Variants in NAALADL2 observed in about 807,000 individuals in gnomAD.
NAALADL2 encodes the protein N-acetylated alpha-linked acidic dipeptidase like 2, also known as inactive N-acetylated-alpha-linked acidic dipeptidase-like protein 2.
Under a neutral mutation model 87.2 loss-of-function variants are expected in NAALADL2, and 76 were observed. The observed-to-expected ratio is 0.87, with a 90% CI of 0.72 to 1.05. The LOEUF (loss-of-function observed/expected upper bound fraction) is 1.05, where lower values mean the gene tolerates loss of function less well. Ranked by LOEUF, NAALADL2 falls within the 50% of genes least tolerant of loss-of-function variation. NAALADL2 has a pLI of 0.00. For missense variants in NAALADL2, 1,089 were observed against 945.8 expected, an observed-to-expected ratio of 1.15 and a Z score of -1.99; for synonymous variants, 354 against 331.0, an observed-to-expected ratio of 1.07 and a Z score of -0.75.
chr3:175,638,715 T>C (rs1054897809), intron 11 of NAALADL2, among the ~76,000 whole-genome samples: 2 of 152,212 alleles, frequency 1.3e-5, no homozygotes, highest in African/African-American at 4.8e-5. Context: ...AAATAAATTA[T>C]ATAACTATTT....
At chr3:175,186,219 TTCA>T (rs1464325358) in intron 2 of NAALADL2, among the ~76,000 whole-genome samples, 22 of 152,074 alleles carry the variant, frequency 1.4e-4, no homozygotes, top group Non-Finnish European at 2.2e-4. Context: ...AGTGTCAGTC[TTCA>T]TTATACAATA....
In NAALADL2 at chr3:175,386,511, CT is replaced by C. The variant is rs547101430; in HGVS notation, c.1091-60717del. On this transcript the variant is annotated intron_variant, in intron 5 of 13. Coordinates refer to ENST00000454872, the MANE Select transcript of NAALADL2 (RefSeq NM_207015.3). ...ATGTATCATCTTTTTTTTTTTTCCC[CT>C]CTCCCTCTCTATTTATCTTATTAGA... Among the ~76,000 whole-genome samples, 832 of 149,992 alleles carry C rather than the reference CT, an allele frequency of 5.5e-3. 7 individuals carry two copies. The highest frequency in any genetic ancestry group is 9.1e-3 in the Non-Finnish European group (611 of 67,478).
chr3:175,235,218 C>G (rs967344269), intron 3 of NAALADL2: 2 of 151,998 alleles, frequency 1.3e-5, no homozygotes, highest in Non-Finnish European at 2.9e-5. Context: ...TTTAAAATTA[C>G]TTTGCATAAA....
At chr3:175,609,540 T>C (rs1162090228) in intron 10 of NAALADL2, 1 of 152,180 alleles carries the variant, frequency 6.6e-6, no homozygotes, top group African/African-American at 2.4e-5. Context: ...TTATTGCTAA[T>C]TGAAAACTAA....
At chr3:175,155,910 GC>G (rs1732245702) in intron 2 of NAALADL2, among the ~76,000 whole-genome samples, 2 of 152,140 alleles carry the variant, frequency 1.3e-5, no homozygotes, top group Admixed American at 1.3e-4. Context: ...TACAAGAGAT[GC>G]AGATAAAGCA....
At chr3:175,146,948 A>G (rs2108758754) in intron 2 of NAALADL2, among the ~76,000 whole-genome samples, 1 of 152,320 alleles carries the variant, frequency 6.6e-6, no homozygotes, top group Admixed American at 6.5e-5. Context: ...GTAAATGGCT[A>G]AATTTTAATA....
At chr3:174,576,647 A>AT (rs1715555234) in intron 2 of NAALADL2, among the ~76,000 whole-genome samples, 1 of 152,156 alleles carries the variant, frequency 6.6e-6, no homozygotes, top group Non-Finnish European at 1.5e-5. Flanking sequence ...ATGTGCTTTA[A>AT]ATTTAAACAA....
intron 11 of NAALADL2, among the ~76,000 whole-genome samples, chr3:175,699,225 G>A (rs1582937322): frequency 1.3e-5 from 2 of 151,858 alleles, no homozygotes; most frequent in East Asian, 3.9e-4. Flanking sequence ...AGGAAAAATA[G>A]AAGATCCACA....
intron 4 of NAALADL2, among the ~76,000 whole-genome samples, chr3:175,266,036 T>TA (rs1012055122): frequency 6.6e-6 from 1 of 150,602 alleles, no homozygotes; most frequent in African/African-American, 2.4e-5. Flanking sequence ...ATCGAGCAGT[T>TA]AAAAAAAGCC....
At chr3:175,793,574 T>C (rs1444483123) in intron 13 of NAALADL2, among the ~76,000 whole-genome samples, 2 of 151,874 alleles carry the variant, frequency 1.3e-5, no homozygotes, top group African/African-American at 2.4e-5. Flanking sequence ...CTCGGCCTCC[T>C]GAAGTGCTGG....
At chr3:174,771,320 C>T (rs1486127266) in intron 3 of NAALADL2, among the ~76,000 whole-genome samples, 1 of 152,104 alleles carries the variant, frequency 6.6e-6, no homozygotes, top group Non-Finnish European at 1.5e-5. Context: ...TTAGGTAAGG[C>T]TTCAAGCTAG....
intron 10 of NAALADL2, among the ~76,000 whole-genome samples, chr3:175,617,424 T>G (rs923617388): frequency 6.6e-6 from 1 of 152,134 alleles, no homozygotes; most frequent in African/African-American, 2.4e-5. Flanking sequence ...ACCCTCCAGT[T>G]GTCCCCATCA....
intron 2 of NAALADL2, among the ~76,000 whole-genome samples, chr3:174,575,105 T>C (rs954019026): frequency 1.3e-5 from 2 of 152,052 alleles, no homozygotes; most frequent in African/African-American, 4.8e-5. Context: ...TTTAACAAAG[T>C]GATTGTACCA....
At chr3:174,998,910 A>G (rs992237871) in intron 1 of NAALADL2, among the ~76,000 whole-genome samples, 1 of 152,214 alleles carries the variant, frequency 6.6e-6, no homozygotes, top group African/African-American at 2.4e-5. Flanking sequence ...ATAATCATCT[A>G]TTAGAAGAAT....
chr3:174,586,990 C>G (rs559933223), intron 2 of NAALADL2, among the ~76,000 whole-genome samples: 1 of 137,618 alleles, frequency 7.3e-6, no homozygotes, highest in African/African-American at 2.6e-5. Flanking sequence ...CCCCTCCCCC[C>G]ACCCCACGAC....
At chr3:174,821,630 A>C (rs1479843604) in intron 3 of NAALADL2, among the ~76,000 whole-genome samples, 1 of 152,168 alleles carries the variant, frequency 6.6e-6, no homozygotes, top group Non-Finnish European at 1.5e-5. Flanking sequence ...GGGCAATTAC[A>C]CAGAGTTCTG....
chr3:175,416,415 A>G (rs1714646624), intron 5 of NAALADL2, among the ~76,000 whole-genome samples: 2 of 152,154 alleles, frequency 1.3e-5, no homozygotes, highest in African/African-American at 4.8e-5. Context: ...GAAGACTGCT[A>G]TTTGTTTTAA....
intron 3 of NAALADL2, among the ~76,000 whole-genome samples, chr3:175,255,176 A>G (rs77356450): frequency 1.8e-3 from 279 of 152,338 alleles, no homozygotes; most frequent in African/African-American, 6.5e-3. Flanking sequence ...CAGGTAGGTG[A>G]CATTTGAAAT....
chr3:174,687,248 T>C (rs760070304), intron 2 of NAALADL2, among the ~76,000 whole-genome samples: 1 of 152,166 alleles, frequency 6.6e-6, no homozygotes, highest in Non-Finnish European at 1.5e-5. Flanking sequence ...TAATTCACTA[T>C]TCCTCCCATA....
Sources: gnomAD v4.1 joint callset for allele counts (sites outside exome capture counted in the v4.1 genomes callset) on GRCh38, gnomAD v4.1.1 for gene constraint, MANE v1.5 for transcripts, NCBI Gene and HGNC (gene_info 2026-07-23, HGNC 2026-07-21) for gene names.